Variants in LRP1B observed in about 807,000 individuals in gnomAD.
LRP1B encodes the protein LDL receptor related protein 1B.
Under a neutral mutation model 556.6 loss-of-function variants are expected in LRP1B, and 217 were observed. The observed-to-expected ratio is 0.39, with a 90% CI of 0.35 to 0.44. The LOEUF (loss-of-function observed/expected upper bound fraction) is 0.44, where lower values mean the gene tolerates loss of function less well. LRP1B is among the 20% of genes least tolerant of loss of function. LRP1B has a pLI of 1.00. For synonymous variants in LRP1B, 2,047 were observed against 1,865.8 expected (o/e 1.10, Z -2.50); for missense variants, 5,053 against 5,620.8 (o/e 0.90, Z 3.23).
At chr2:141,899,072 A>G (rs1699540852) in intron 1 of LRP1B, among the ~76,000 whole-genome samples, 1 of 152,146 alleles carries the variant, frequency 6.6e-6, no homozygotes, top group Non-Finnish European at 1.5e-5. Context: ...ACTCAAAAAG[A>G]ATTACCTTCT....
At chr2:140,388,603 A>T (rs950098243) in intron 66 of LRP1B, among the ~76,000 whole-genome samples, 4 of 152,192 alleles carry the variant, frequency 2.6e-5, no homozygotes, top group Non-Finnish European at 5.9e-5. Context: ...GTAAAGTTAT[A>T]CAAATTTTAT....
intron 2 of LRP1B, among the ~76,000 whole-genome samples, chr2:141,739,074 A>G (rs13023050): frequency 0.14 from 21,776 of 152,150 alleles, 1,893 homozygotes; most frequent in East Asian, 0.31. Flanking sequence ...AAGGAGCAAC[A>G]AAAGCAAAAA....
At chr2:140,728,739 G>C (rs1414432669) in intron 35 of LRP1B, among the ~76,000 whole-genome samples, 3 of 152,104 alleles carry the variant, frequency 2.0e-5, no homozygotes, top group Non-Finnish European at 4.4e-5. Context: ...TTAATGAATA[G>C]AGGGATGTAG....
At chr2:141,517,547 T>C (rs1684370540) in intron 2 of LRP1B, among the ~76,000 whole-genome samples, 1 of 152,206 alleles carries the variant, frequency 6.6e-6, no homozygotes, top group Non-Finnish European at 1.5e-5. Flanking sequence ...TTAACAGGAA[T>C]CCCATCTTCT....
At chr2:141,639,836 G>A (rs767292088) in intron 2 of LRP1B, among the ~76,000 whole-genome samples, 28 of 151,942 alleles carry the variant, frequency 1.8e-4, no homozygotes, top group African/African-American at 3.1e-4. Flanking sequence ...TGTGTTTTAC[G>A]ATATTTCTGC....
At chr2:141,225,960 T>C (rs963626471) in intron 6 of LRP1B, among the ~76,000 whole-genome samples, 1 of 152,128 alleles carries the variant, frequency 6.6e-6, no homozygotes, top group Non-Finnish European at 1.5e-5. Context: ...CCAACATTAC[T>C]AATATTCGTA....
chr2:141,139,079 A>G (rs146172794), intron 7 of LRP1B, among the ~76,000 whole-genome samples: 13 of 152,060 alleles, frequency 8.5e-5, no homozygotes, highest in Non-Finnish European at 1.8e-4. Flanking sequence ...CAAAGATATG[A>G]AGGCACTATA....
intron 2 of LRP1B, among the ~76,000 whole-genome samples, chr2:141,622,118 C>T (rs1372170340): frequency 1.4e-4 from 22 of 152,096 alleles, no homozygotes; most frequent in African/African-American, 2.9e-4. Flanking sequence ...CTTGAACTCC[C>T]GACCGCAGGT....
At chr2:141,639,573 T>C (rs1689255379) in intron 2 of LRP1B, among the ~76,000 whole-genome samples, 1 of 151,200 alleles carries the variant, frequency 6.6e-6, no homozygotes. Flanking sequence ...CAGAATGCTA[T>C]TGAACATTCT....
At chr2:141,805,656 T>C (rs745921083) in intron 2 of LRP1B, 1 of 152,122 alleles carries the variant, frequency 6.6e-6, no homozygotes, top group African/African-American at 2.4e-5. Flanking sequence ...GCAAATTATA[T>C]AGCCTGCTGG....
intron 2 of LRP1B, among the ~76,000 whole-genome samples, chr2:141,697,449 A>G (rs539839204): frequency 1.3e-5 from 2 of 152,116 alleles, no homozygotes; most frequent in South Asian, 4.1e-4. Context: ...GACATTTGTT[A>G]CTTTCATATT....
At chr2:140,416,520 G>A (rs1390320376) in intron 66 of LRP1B, among the ~76,000 whole-genome samples, 2 of 152,076 alleles carry the variant, frequency 1.3e-5, no homozygotes, top group Admixed American at 6.5e-5. Flanking sequence ...GCCAAGCATG[G>A]TGATGCATGC....
chr2:141,072,611 C>T (rs1214971050), intron 7 of LRP1B, among the ~76,000 whole-genome samples: 1 of 151,894 alleles, frequency 6.6e-6, no homozygotes, highest in Non-Finnish European at 1.5e-5. Context: ...TCAGGTACTC[C>T]CTCTGCAACA....
intron 7 of LRP1B, among the ~76,000 whole-genome samples, chr2:141,087,454 T>G (rs1700074902): frequency 6.6e-6 from 1 of 152,160 alleles, no homozygotes; most frequent in Non-Finnish European, 1.5e-5. Flanking sequence ...TTTACAAGCA[T>G]TTTTACGCAG....
chr2:141,810,141 GA>G, intron 2 of LRP1B, 137 bp downstream of exon 2: 7 of 472,294 alleles, frequency 1.5e-5, no homozygotes, highest in Non-Finnish European at 2.3e-5. Context: ...AAGAAAGAAA[GA>G]AAGAAAGAAA....
intron 2 of LRP1B, among the ~76,000 whole-genome samples, chr2:141,598,450 T>C (rs1233690508): frequency 1.3e-5 from 2 of 152,176 alleles, no homozygotes; most frequent in Non-Finnish European, 2.9e-5. Flanking sequence ...CTTATATAGT[T>C]TAAAGAGCTC....
rs955208720 is a variant in LRP1B at position 141,784,617 on chromosome 2, G to T, written c.205+25662C>A. Among the ~76,000 whole-genome samples the T allele has an allele frequency of 5.5e-4, 84 of 151,882 alleles. 1 individual carries two copies. The highest frequency in any genetic ancestry group is 9.6e-4 in the Non-Finnish European group (65 of 67,908). On this transcript the variant is annotated intron_variant, in intron 2 of 90. Transcript: ENST00000389484. ...TGACTTGTAGAGACAACAAAAGCCA[G>T]AAATATGTTTTCCTTACCCCAGGGA...
At chr2:140,980,614 A>G (rs1696739874) in intron 18 of LRP1B, among the ~76,000 whole-genome samples, 1 of 152,158 alleles carries the variant, frequency 6.6e-6, no homozygotes, top group African/African-American at 2.4e-5. Context: ...GCACAAGAAA[A>G]TTTTAGGTAA....
intron 3 of LRP1B, among the ~76,000 whole-genome samples, chr2:141,438,909 T>C (rs35126529): frequency 1.3e-5 from 2 of 152,160 alleles, no homozygotes; most frequent in Non-Finnish European, 2.9e-5. Context: ...TGAGAGAACA[T>C]ATTTTAGGAT....
Sources: allele counts gnomAD v4.1 joint callset (sites outside exome capture counted in the v4.1 genomes callset), GRCh38; gene constraint gnomAD v4.1.1; transcripts MANE v1.5; gene names NCBI Gene and HGNC (gene_info 2026-07-23, HGNC 2026-07-21).